HELB: variants seen among roughly 807,000 people sequenced by gnomAD.
HELB encodes the protein DNA helicase B.
HELB carries 96 observed loss-of-function variants against 101.7 expected under a neutral mutation model. That is an observed-to-expected ratio of 0.94 (90% CI 0.80 to 1.12). The LOEUF is 1.12. HELB is among the 50% of genes most tolerant of loss of function. The probability of loss-of-function intolerance (pLI) is 0.00; values close to 1 mark genes in which losing one functional copy is unlikely to be tolerated. For synonymous variants in HELB, 437 were observed against 459.7 expected, an observed-to-expected ratio of 0.95 and a Z score of 0.63; for missense variants, 1,210 against 1,291.9, an observed-to-expected ratio of 0.94 and a Z score of 0.97.
chr12:66,326,512 A>T (rs2053739358), intron 11 of HELB, among the ~76,000 whole-genome samples: 1 of 151,672 alleles, frequency 6.6e-6, no homozygotes, highest in African/African-American at 2.4e-5. Flanking sequence ...AAGTGCTGGG[A>T]TTACAGGCCT....
Position 66,324,065 on chromosome 12 carries a change from G to A in HELB, c.2380G>A (p.Glu794Lys). 3 of 1,613,680 alleles carry A rather than the reference G, an allele frequency of 1.9e-6. No homozygotes were observed. The highest frequency in any genetic ancestry group is 2.5e-6 in the Non-Finnish European group (3 of 1,179,786). The change falls in exon 10 of 13, where the codon GAA becomes AAA. Residue 794 changes from glutamate (E) to lysine (K), a missense_variant. Around this residue, in one of 2 missense-constraint regions of HELB, gnomAD observed 740 missense variants for 728.8 expected, o/e 1.02. Coordinates refer to ENST00000247815, the MANE Select transcript of HELB (RefSeq NM_001370285.1). ...TGCATACCTCTCAGACTTACTACCT[G>A]AAAATATCTCTGGAAGTCAGCAAAA... ...RNAYLSDLLP[E>K]NISGSQQNND...
downstream of HELB, chr12:66,341,915 T>C (rs1168298): frequency 0.48 from 72,307 of 152,024 alleles, 17,583 homozygotes; most frequent in East Asian, 0.58. Context: ...GAACTGTGAG[T>C]CAATTAAACC....
intron 12 of HELB, among the ~76,000 whole-genome samples, chr12:66,331,947 TA>T (rs965570960): frequency 6.6e-6 from 1 of 152,156 alleles, no homozygotes; most frequent in Non-Finnish European, 1.5e-5. Context: ...GTGATTTGGC[TA>T]ACAAAGTTTT....
chr12:66,312,187 A>G (rs2053552499), intron 4 of HELB, among the ~76,000 whole-genome samples: 1 of 152,236 alleles, frequency 6.6e-6, no homozygotes, highest in Non-Finnish European at 1.5e-5. Context: ...TGGGGATGTT[A>G]AACATTTTGC....
intron 12 of HELB, among the ~76,000 whole-genome samples, chr12:66,336,987 T>C (rs879514489): frequency 1.1e-4 from 16 of 152,028 alleles, no homozygotes; most frequent in Non-Finnish European, 1.8e-4. Context: ...AATGAGGAGG[T>C]TCTAACATTA....
chr12:66,342,232 A>G (rs184350023), downstream of HELB: 252 of 152,206 alleles, frequency 1.7e-3, no homozygotes, highest in African/African-American at 5.3e-3. Flanking sequence ...TGACAATTCA[A>G]TTGTTCAGCT....
At position 66,310,516 on chromosome 12, in the gene HELB, A is replaced by G; in HGVS notation, c.1588A>G (p.Lys530Glu). ...FTEQSQLEAD[K>E]AIEVLLTAPT... ...TGAGCAAAGTCAACTAGAGGCGGAC[A>G]AGGCTATAGAAGTTTTGCTCACAGC... The change falls in exon 4 of 13, where the codon AAG becomes GAG. Residue 530 changes from lysine (K) to glutamate (E), a missense_variant. Around this residue, in one of 2 missense-constraint regions of HELB, gnomAD observed 740 missense variants for 728.8 expected, o/e 1.02. Transcript: ENST00000247815. 1 of 1,614,270 alleles carries G rather than the reference A, an allele frequency of 6.2e-7. No individual in the cohort carries two copies.
rs1172780841 is a variant in HELB, at chr12:66,305,918, T to C, written c.608-427T>C. On this transcript the variant is annotated intron_variant, in intron 2 of 12. Transcript: ENST00000247815. The stretch of plus-strand genomic sequence containing the variant: ...TATATGGAATATTTCATTTCCTAAT[T>C]GTATCAAATAAATTTGATGGTACAT... 7.9e-5 allele frequency among the ~76,000 whole-genome samples: 12 copies of C among 152,314 alleles called. 2 individuals carry two copies. The highest frequency in any genetic ancestry group is 2.9e-4 in the African/African-American group (12 of 41,584).
chr12:66,324,754 A>G (rs1250222764), intron 10 of HELB, among the ~76,000 whole-genome samples: 1 of 152,226 alleles, frequency 6.6e-6, no homozygotes, highest in East Asian at 1.9e-4. Flanking sequence ...CACAGAGTCA[A>G]ATTGAAGATA....
chr12:66,323,025 C>T (rs1347049808), intron 9 of HELB, among the ~76,000 whole-genome samples: 4 of 151,688 alleles, frequency 2.6e-5, no homozygotes, highest in Non-Finnish European at 5.9e-5. Flanking sequence ...TTGGTTTCAA[C>T]CTTGGCAGCC....
chr12:66,313,544 G>T (rs140905862), intron 4 of HELB, among the ~76,000 whole-genome samples: 1 of 151,964 alleles, frequency 6.6e-6, no homozygotes, highest in Non-Finnish European at 1.5e-5. Context: ...GGGGTGGTGC[G>T]GTGGTAGTTT....
chr12:66,323,182 C>CCACTGTGGT (rs1471839588), intron 9 of HELB, among the ~76,000 whole-genome samples: 1 of 151,994 alleles, frequency 6.6e-6, no homozygotes, highest in Non-Finnish European at 1.5e-5. Context: ...TGTAGACAAG[C>CCACTGTGGT]CACTGTGGTC....
Position 66,304,921 on chromosome 12 carries a change from C to T in HELB, c.378C>T (p.Ile126=). 6.2e-7 allele frequency: 1 copy of T among 1,614,058 alleles called. No homozygotes were observed. Among genetic ancestry groups the T allele is most frequent in the Non-Finnish European group, 8.5e-7 (1 of 1,179,946 alleles). The change falls in exon 2 of 13, where the codon ATC becomes ATT. Residue 126 remains isoleucine, a synonymous_variant. Transcript: ENST00000247815. ...TGTCACCACCAAATCAAAAACATAT[C>T]TGTGCTCTCTTTCTTAAAGAGTGTG... ...SDMSPPNQKH[I]CALFLKECEV... is the part of the protein sequence containing the mutation.
At chr12:66,317,289 G>A (rs577739912) in intron 6 of HELB, among the ~76,000 whole-genome samples, 16 of 152,248 alleles carry the variant, frequency 1.1e-4, no homozygotes, top group South Asian at 2.1e-4. Flanking sequence ...CTCATGGCTC[G>A]TGGGCCAGAC....
chr12:66,313,458 T>G (rs1460374733), intron 4 of HELB, among the ~76,000 whole-genome samples: 1 of 152,174 alleles, frequency 6.6e-6, no homozygotes, highest in African/African-American at 2.4e-5. Context: ...ACAACCAATT[T>G]TTTTCTCATC....
At chr12:66,308,598 G>A (rs1190510973) in intron 3 of HELB, among the ~76,000 whole-genome samples, 2 of 152,182 alleles carry the variant, frequency 1.3e-5, no homozygotes, top group Non-Finnish European at 2.9e-5. Flanking sequence ...AGATCAAGGT[G>A]TGGACAGGGT....
rs1380918048 is a variant in HELB, at chr12:66,331,386, C to T, written c.2903C>T (p.Pro968Leu). Residue 968 changes from proline (P) to leucine (L), a missense_variant, in exon 12 of 13, where the codon CCA becomes CTA. By Grantham distance (98) the Pro-to-Leu change is moderately conservative. Transcript: ENST00000247815. ...SGAPPADFPS[P>L]RKSSGDSGGP... The stretch of plus-strand genomic sequence containing the variant: ...GCACCTCCAGCAGATTTTCCGTCCC[C>T]ACGGAAGAGCTCTGGAGACAGTGGA... 1 of 1,614,174 alleles carries T rather than the reference C, an allele frequency of 6.2e-7. No homozygotes were observed. Among genetic ancestry groups the T allele is most frequent in the Non-Finnish European group, 8.5e-7 (1 of 1,180,008 alleles).
At chr12:66,305,480 C>T (rs141451496) in intron 2 of HELB, among the ~76,000 whole-genome samples, 1 of 152,224 alleles carries the variant, frequency 6.6e-6, no homozygotes, top group East Asian at 1.9e-4. Context: ...GGTAGCTGCT[C>T]ACGTCTGTAA....
intron 2 of HELB, 24 bp downstream of exon 2, chr12:66,305,174 C>G (rs1971302): frequency 0.71 from 968,412 of 1,371,882 alleles, 345,087 homozygotes; most frequent in Middle Eastern, 0.8. Context: ...TTATCATCAA[C>G]TTTCAGTGTA....
Sources: gnomAD v4.1 joint callset for allele counts (sites outside exome capture counted in the v4.1 genomes callset) on GRCh38, gnomAD v4.1.1 for gene constraint, gnomAD v4.1.1 regional missense constraint, MANE v1.5 for transcripts, NCBI Gene and HGNC (gene_info 2026-07-23, HGNC 2026-07-21) for gene names.